Variants in EPHA6 observed in about 807,000 individuals in gnomAD.
EPHA6 encodes ephrin type-A receptor 6.
Under a neutral mutation model 112.0 loss-of-function variants are expected in EPHA6, and 50 were observed. The ratio of observed to expected loss-of-function variants is 0.45; its 90% CI spans 0.36 to 0.56. The LOEUF is 0.56. Ranked by LOEUF, EPHA6 falls within the 20% of genes least tolerant of loss-of-function variation. The pLI, the probability that EPHA6 is intolerant of heterozygous loss-of-function variation, is 0.00. For synonymous variants in EPHA6, 529 were observed against 490.7 expected, an observed-to-expected ratio of 1.08 and a Z score of -1.03; for missense variants, 1,280 against 1,417.4, an observed-to-expected ratio of 0.90 and a Z score of 1.56.
At chr3:97,249,454 C>T (rs995471810) in intron 5 of EPHA6, among the ~76,000 whole-genome samples, 1 of 152,096 alleles carries the variant, frequency 6.6e-6, no homozygotes, top group African/African-American at 2.4e-5. Flanking sequence ...CAAATTACTT[C>T]CAAGTCTAGC....
At chr3:97,243,447 C>A (rs2078904005) in intron 4 of EPHA6, among the ~76,000 whole-genome samples, 2 of 151,742 alleles carry the variant, frequency 1.3e-5, no homozygotes, top group South Asian at 2.1e-4. Flanking sequence ...TTAATCTCAA[C>A]CTTTGGGAAA....
At chr3:97,452,240 A>T (rs1475995859) in intron 7 of EPHA6, among the ~76,000 whole-genome samples, 1 of 151,820 alleles carries the variant, frequency 6.6e-6, no homozygotes, top group Non-Finnish European at 1.5e-5. Context: ...AAATGCTAAG[A>T]TTACTAATTA....
rs185949046 is a variant in EPHA6 at position 97,597,623 on chromosome 3, A to G, written c.2512+4886A>G. Among the ~76,000 whole-genome samples the G allele has an allele frequency of 4.6e-5, 7 of 152,338 alleles. No homozygotes were observed. The East Asian group carries it at 1.4e-3, about 29-fold the overall frequency. ...AATAATGTCATTTCTATAGCAAAGG[A>G]CATACAGTCCTCAGCCAACATTAAA... On this transcript the variant is annotated intron_variant, in intron 12 of 17. Transcript: ENST00000389672.
chr3:97,183,846 G>C (rs1463127668), intron 3 of EPHA6, among the ~76,000 whole-genome samples: 1 of 152,096 alleles, frequency 6.6e-6, no homozygotes, highest in Non-Finnish European at 1.5e-5. Flanking sequence ...AAGGCAATCA[G>C]TGGATTCTGC....
At chr3:97,132,400 G>A (rs902741156) in intron 3 of EPHA6, among the ~76,000 whole-genome samples, 1 of 151,852 alleles carries the variant, frequency 6.6e-6, no homozygotes, top group African/African-American at 2.4e-5. Flanking sequence ...CCTAACTTAC[G>A]GGAGGTGAAA....
chr3:97,478,553 T>A (rs1327102498), intron 8 of EPHA6, among the ~76,000 whole-genome samples: 3 of 151,826 alleles, frequency 2.0e-5, no homozygotes, highest in Non-Finnish European at 4.4e-5. Flanking sequence ...TAACATTCCA[T>A]GCAATGAAGA....
chr3:97,466,285 C>A, intron 7 of EPHA6: 3 of 1,317,976 alleles, frequency 2.3e-6, no homozygotes, highest in Non-Finnish European at 3.3e-6. Context: ...AGAAAACATT[C>A]CCCTCAAGCA....
At chr3:97,116,915 T>G (rs1404583043) in intron 3 of EPHA6, among the ~76,000 whole-genome samples, 1 of 151,728 alleles carries the variant, frequency 6.6e-6, no homozygotes, top group Non-Finnish European at 1.5e-5. Flanking sequence ...TTCCTTACCA[T>G]TTTTCATAAT....
intron 3 of EPHA6, among the ~76,000 whole-genome samples, chr3:97,191,271 T>TAAATGATTATC (rs567162938): frequency 5.1e-4 from 78 of 152,236 alleles, no homozygotes; most frequent in African/African-American, 1.8e-3. Context: ...TACATCAGGG[T>TAAATGATTATC]AAATGATTAT....
intron 1 of EPHA6, among the ~76,000 whole-genome samples, chr3:96,857,730 A>T (rs772981826): frequency 2.0e-5 from 3 of 152,102 alleles, no homozygotes; most frequent in Non-Finnish European, 4.4e-5. Context: ...AGTATTACTT[A>T]CTAAACTACT....
intron 1 of EPHA6, among the ~76,000 whole-genome samples, chr3:96,816,017 A>G (rs1209803563): frequency 6.6e-6 from 1 of 152,130 alleles, no homozygotes; most frequent in African/African-American, 2.4e-5. Flanking sequence ...CACATAAGGC[A>G]TATGTTTCAG....
intron 3 of EPHA6, among the ~76,000 whole-genome samples, chr3:97,045,673 A>G (rs892164574): frequency 1.3e-5 from 2 of 152,106 alleles, no homozygotes; most frequent in African/African-American, 4.8e-5. Flanking sequence ...TTTATAAAAT[A>G]TAGTGAAAAC....
At chr3:96,928,167 G>A (rs943339987) in intron 2 of EPHA6, among the ~76,000 whole-genome samples, 28 of 152,152 alleles carry the variant, frequency 1.8e-4, no homozygotes, top group African/African-American at 6.3e-4. Context: ...TTTGTGTGGG[G>A]ACACAGAGCC....
intron 7 of EPHA6, among the ~76,000 whole-genome samples, chr3:97,470,562 A>G (rs1199938616): frequency 1.3e-5 from 2 of 151,738 alleles, no homozygotes; most frequent in African/African-American, 2.4e-5. Context: ...GCCTCCATAG[A>G]AGAAAATTCT....
At chr3:97,690,481 T>A (rs533680437) in intron 14 of EPHA6, among the ~76,000 whole-genome samples, 156 of 152,264 alleles carry the variant, frequency 1.0e-3, no homozygotes, top group African/African-American at 3.3e-3. Context: ...TTTTTTTTTT[T>A]TTGGAGACAG....
intron 3 of EPHA6, among the ~76,000 whole-genome samples, chr3:97,090,797 G>A (rs534675305): frequency 3.9e-5 from 6 of 151,910 alleles, no homozygotes; most frequent in Non-Finnish European, 7.4e-5. Context: ...AAGTAAAAAC[G>A]ATTTCTAGAA....
At chr3:97,312,459 C>A (rs775388498) in intron 5 of EPHA6, among the ~76,000 whole-genome samples, 5 of 151,432 alleles carry the variant, frequency 3.3e-5, no homozygotes, top group Non-Finnish European at 4.4e-5. Context: ...CCAACATAAT[C>A]CTCAAAGAAA....
At chr3:96,949,560 T>C (rs1473160064) in intron 2 of EPHA6, among the ~76,000 whole-genome samples, 2 of 152,126 alleles carry the variant, frequency 1.3e-5, no homozygotes, top group African/African-American at 4.8e-5. Flanking sequence ...GCACATGAAA[T>C]TAAACCTCTC....
intron 3 of EPHA6, among the ~76,000 whole-genome samples, chr3:97,215,648 T>C (rs796197447): frequency 1.2e-4 from 18 of 152,122 alleles, no homozygotes; most frequent in African/African-American, 4.1e-4. Context: ...GATATTTCAA[T>C]CACTGTATCC....
Sources: allele counts gnomAD v4.1 joint callset (sites outside exome capture counted in the v4.1 genomes callset), GRCh38; gene constraint gnomAD v4.1.1; transcripts MANE v1.5; gene names NCBI Gene and HGNC (gene_info 2026-07-23, HGNC 2026-07-21).